INPP4B: variants seen among roughly 807,000 people sequenced by gnomAD.
INPP4B encodes inositol polyphosphate-4-phosphatase type II B, also known as inositol polyphosphate 4-phosphatase type II.
In INPP4B, 55 loss-of-function variants were observed where a neutral mutation model predicts 122.5. The ratio of observed to expected loss-of-function variants is 0.45; its 90% confidence interval spans 0.36 to 0.56. INPP4B has a LOEUF of 0.56. INPP4B is among the 20% of genes least tolerant of loss of function. The pLI is 0.00. For synonymous variants in INPP4B, 403 were observed against 388.7 expected (o/e 1.04, Z -0.43); for missense variants, 1,000 against 1,097.7 (o/e 0.91, Z 1.26).
chr4:142,268,348 G>GAAAAAAAAAAAAAAAAAAAA (rs1383781390), intron 10 of INPP4B, among the ~76,000 whole-genome samples: 38 of 26,802 alleles, frequency 1.4e-3, no homozygotes, highest in Non-Finnish European at 3.0e-3. Context: ...AAAAAAAAAT[G>GAAAAAAAAAAAAAAAAAAAA]AGGGGTAAGT....
At chr4:142,145,577 C>G (rs562634356) in intron 18 of INPP4B, among the ~76,000 whole-genome samples, 1 of 151,748 alleles carries the variant, frequency 6.6e-6, no homozygotes, top group Non-Finnish European at 1.5e-5. Context: ...TATGTCAGAG[C>G]CTTAAAACAC....
intron 25 of INPP4B, among the ~76,000 whole-genome samples, chr4:142,053,393 G>T (rs1359328338): frequency 3.9e-5 from 6 of 152,080 alleles, no homozygotes; most frequent in Non-Finnish European, 8.8e-5. Context: ...TGGTGAGGCT[G>T]GATCTACCAA....
intron 3 of INPP4B, among the ~76,000 whole-genome samples, chr4:142,436,769 A>T (rs1195869839): frequency 6.6e-6 from 1 of 151,610 alleles, no homozygotes; most frequent in South Asian, 2.1e-4. Context: ...AGCCTCAAAG[A>T]TTGAAACTAG....
chr4:142,615,359 G>A (rs140695114), intron 2 of INPP4B, among the ~76,000 whole-genome samples: 277 of 152,300 alleles, frequency 1.8e-3, no homozygotes, highest in African/African-American at 6.4e-3. Context: ...CAAAAAGATA[G>A]ATATCTACAG....
At chr4:142,803,008 A>G (rs748441432) in intron 1 of INPP4B, among the ~76,000 whole-genome samples, 6 of 151,886 alleles carry the variant, frequency 4.0e-5, no homozygotes, top group Non-Finnish European at 7.4e-5. Flanking sequence ...CGTCTCTACT[A>G]AAAATACAAA....
intron 1 of INPP4B, among the ~76,000 whole-genome samples, chr4:142,835,509 G>A (rs1782675100): frequency 6.6e-6 from 1 of 152,140 alleles, no homozygotes. Flanking sequence ...TTTAAAAAAT[G>A]TCTATAACTA....
chr4:142,125,382 T>G (rs906999358), intron 18 of INPP4B, among the ~76,000 whole-genome samples: 2 of 152,102 alleles, frequency 1.3e-5, no homozygotes, highest in African/African-American at 4.8e-5. Context: ...ACTAAAGCAT[T>G]CATAAATAAA....
At chr4:142,075,662 T>C (rs1390330975) in intron 25 of INPP4B, among the ~76,000 whole-genome samples, 2 of 151,876 alleles carry the variant, frequency 1.3e-5, no homozygotes, top group East Asian at 3.9e-4. Context: ...TAGATAGAGA[T>C]GGGGAGAGTG....
rs185967962 is a variant in INPP4B at position 142,803,149 on chromosome 4, G to A, written c.-254+43060C>T. Among the ~76,000 whole-genome samples the A allele has an allele frequency of 3.6e-5, 5 of 138,010 alleles. No homozygotes were observed. The East Asian group carries it at 1.0e-3, about 28-fold the overall frequency. The allele number at this position is 138,010 out of a possible 152,430, so 90.5% of individuals were successfully genotyped here. A position where few individuals can be genotyped will look rare whatever the true frequency, so the allele number is the denominator to read the frequency against. On this transcript the variant is annotated intron_variant, in intron 1 of 25. Coordinates refer to ENST00000262992, the MANE Select transcript of INPP4B (RefSeq NM_001101669.3). ...ATTGCACCACTGCACTCCAGCCTAGGCAACAGAGTGAGACTACGTCTCAAA... is the reference window on the plus strand; with the variant it reads ...ATTGCACCACTGCACTCCAGCCTAGACAACAGAGTGAGACTACGTCTCAAA...
intron 2 of INPP4B, among the ~76,000 whole-genome samples, chr4:142,693,602 T>G (rs1760563431): frequency 1.3e-5 from 2 of 150,202 alleles, no homozygotes; most frequent in South Asian, 4.3e-4. Flanking sequence ...CTCTTAACCA[T>G]TATTTTAAAT....
chr4:142,148,380 A>G (rs1811932000), intron 17 of INPP4B, among the ~76,000 whole-genome samples: 1 of 151,742 alleles, frequency 6.6e-6, no homozygotes, highest in African/African-American at 2.4e-5. Flanking sequence ...CGCCTAACTA[A>G]TTTTTGTAGT....
chr4:142,545,821 G>GTATATATATATATATATATA (rs70949172), intron 2 of INPP4B, among the ~76,000 whole-genome samples: 1 of 111,922 alleles, frequency 8.9e-6, no homozygotes, highest in Admixed American at 9.8e-5. Flanking sequence ...ATACATGTGT[G>GTATATATATATATATATATA]TATATATATA....
At chr4:142,248,269 A>G (rs868206615) in intron 11 of INPP4B, among the ~76,000 whole-genome samples, 1 of 151,740 alleles carries the variant, frequency 6.6e-6, no homozygotes, top group African/African-American at 2.4e-5. Flanking sequence ...GATTTAAGAA[A>G]GAAAAGCACC....
chr4:142,233,930 A>G (rs1458742172), intron 12 of INPP4B, among the ~76,000 whole-genome samples: 1 of 152,110 alleles, frequency 6.6e-6, no homozygotes, highest in Non-Finnish European at 1.5e-5. Context: ...GAGCTCTTGC[A>G]TATGTAAGTA....
At chr4:142,054,074 C>T (rs1458746845) in intron 25 of INPP4B, among the ~76,000 whole-genome samples, 1 of 148,966 alleles carries the variant, frequency 6.7e-6, no homozygotes, top group Non-Finnish European at 1.5e-5. Flanking sequence ...GATAACATTG[C>T]TGTTTTATAC....
At chr4:142,134,506 T>C (rs1802965017) in intron 18 of INPP4B, among the ~76,000 whole-genome samples, 1 of 152,214 alleles carries the variant, frequency 6.6e-6, no homozygotes, top group African/African-American at 2.4e-5. Flanking sequence ...TTACATGGCA[T>C]ATTTTGATTA....
At chr4:142,499,524 T>C (rs1272085200) in intron 2 of INPP4B, among the ~76,000 whole-genome samples, 1 of 152,214 alleles carries the variant, frequency 6.6e-6, no homozygotes, top group Non-Finnish European at 1.5e-5. Flanking sequence ...AAGATTTTAA[T>C]GTGTTACTCA....
intron 2 of INPP4B, among the ~76,000 whole-genome samples, chr4:142,652,657 G>A (rs998356909): frequency 2.0e-5 from 3 of 152,144 alleles, no homozygotes; most frequent in African/African-American, 7.2e-5. Flanking sequence ...ACTTACAAGG[G>A]ATGTGAAGGA....
chr4:142,168,443 T>C (rs566239972), intron 16 of INPP4B, among the ~76,000 whole-genome samples: 5 of 151,694 alleles, frequency 3.3e-5, no homozygotes, highest in Admixed American at 2.6e-4. Context: ...AATGTTGGAT[T>C]TTTCTATGGC....
Sources: allele counts gnomAD v4.1 joint callset (sites outside exome capture counted in the v4.1 genomes callset), GRCh38; gene constraint gnomAD v4.1.1; transcripts MANE v1.5; gene names NCBI Gene and HGNC (gene_info 2026-07-23, HGNC 2026-07-21).